GPC6: variants seen among roughly 807,000 people sequenced by gnomAD.
The protein encoded by GPC6 is glypican-6.
A neutral mutation model predicts 55.2 loss-of-function variants in GPC6; 14 were observed. That is an observed-to-expected ratio of 0.25 (90% CI 0.17 to 0.40). GPC6 has a LOEUF of 0.40. Among genes scored for constraint, GPC6 ranks in the 10% least tolerant of loss-of-function variants. GPC6 has a pLI of 1.00. For missense variants in GPC6, 641 were observed against 708.5 expected, an observed-to-expected ratio of 0.90 and a Z score of 1.08; for synonymous variants, 278 against 259.6, an observed-to-expected ratio of 1.07 and a Z score of -0.68.
intron 4 of GPC6, among the ~76,000 whole-genome samples, chr13:94,078,390 A>C (rs1462487532): frequency 1.3e-5 from 2 of 151,952 alleles, no homozygotes; most frequent in Non-Finnish European, 2.9e-5. Context: ...TAGCAGAAGG[A>C]AGGACACAAT....
intron 1 of GPC6, among the ~76,000 whole-genome samples, chr13:93,458,499 T>A (rs1292602383): frequency 1.3e-5 from 2 of 152,102 alleles, no homozygotes; most frequent in Admixed American, 6.6e-5. Context: ...TCACGGATAC[T>A]CCAGCATTGA....
chr13:93,583,367 C>T (rs866743258), intron 2 of GPC6, among the ~76,000 whole-genome samples: 2 of 142,892 alleles, frequency 1.4e-5, no homozygotes, highest in African/African-American at 3.0e-5. Flanking sequence ...CGCGCGCGTG[C>T]GTATGTGTGT....
chr13:93,747,360 A>T (rs1461665624), intron 2 of GPC6, among the ~76,000 whole-genome samples: 2 of 152,148 alleles, frequency 1.3e-5, no homozygotes, highest in African/African-American at 4.8e-5. Flanking sequence ...AATGAAAAGA[A>T]GAGACTGTAC....
chr13:93,502,354 T>C (rs1021065081), intron 1 of GPC6, among the ~76,000 whole-genome samples: 5 of 152,096 alleles, frequency 3.3e-5, no homozygotes, highest in Non-Finnish European at 7.4e-5. Context: ...CCACATACTT[T>C]GTAAATAACA....
At chr13:94,234,539 T>C (rs1234526976) in intron 4 of GPC6, among the ~76,000 whole-genome samples, 1 of 149,432 alleles carries the variant, frequency 6.7e-6, no homozygotes, top group African/African-American at 2.5e-5. Flanking sequence ...ATCACTTTAC[T>C]GTGACCCAAG....
At chr13:94,137,857 G>A (rs1487506221) in intron 4 of GPC6, among the ~76,000 whole-genome samples, 1 of 152,108 alleles carries the variant, frequency 6.6e-6, no homozygotes, top group Non-Finnish European at 1.5e-5. Flanking sequence ...AGGTGGAGGG[G>A]CCACATCAGA....
chr13:93,217,099 AT>A, the GPC6 span, among the ~76,000 whole-genome samples: 1 of 152,234 alleles, frequency 6.6e-6, no homozygotes, highest in African/African-American at 2.4e-5. Flanking sequence ...TCTAATGAAT[AT>A]TTCAATTCAA....
At chr13:94,192,194 GA>G (rs998210974) in intron 4 of GPC6, among the ~76,000 whole-genome samples, 3 of 151,382 alleles carry the variant, frequency 2.0e-5, no homozygotes, top group Admixed American at 6.6e-5. Flanking sequence ...AACTCTGGAA[GA>G]AAAAAAAATG....
intron 3 of GPC6, among the ~76,000 whole-genome samples, chr13:93,979,308 TGTGTGTGTG>T (rs1880670385): frequency 3.3e-5 from 5 of 150,998 alleles, no homozygotes; most frequent in African/African-American, 1.2e-4. Flanking sequence ...TGTGTGTGTG[TGTGTGTGTG>T]TTTGTGTGTG....
intron 1 of GPC6, among the ~76,000 whole-genome samples, chr13:93,244,279 C>T (rs1287796636): frequency 6.6e-6 from 1 of 152,182 alleles, no homozygotes; most frequent in Non-Finnish European, 1.5e-5. Context: ...GCTGCAAGGG[C>T]CGGCTGGGTC....
At chr13:94,380,483 A>T (rs1880109832) in intron 6 of GPC6, among the ~76,000 whole-genome samples, 1 of 152,138 alleles carries the variant, frequency 6.6e-6, no homozygotes, top group Non-Finnish European at 1.5e-5. Context: ...TTTTTGAAAA[A>T]TTTTATACTC....
intron 4 of GPC6, among the ~76,000 whole-genome samples, chr13:94,281,627 A>T (rs1161495943): frequency 1.3e-5 from 2 of 152,194 alleles, no homozygotes; most frequent in Non-Finnish European, 2.9e-5. Flanking sequence ...AACATTCAGG[A>T]TTCTCCTTAC....
rs1402336687 is a variant in GPC6 at position 93,691,774 on chromosome 13, TA to T, written c.320-138374del. Among the ~76,000 whole-genome samples, 17 of 152,082 alleles carry T rather than the reference TA, an allele frequency of 1.1e-4. 1 individual carries two copies. Among genetic ancestry groups the T allele is most frequent in the Admixed American group, 9.8e-4 (15 of 15,244 alleles). ...CTATGTTATGATAAGTTATGAAATT[TA>T]AAAAACTTTAAAAAGGATCTTATAT... On this transcript the variant is annotated intron_variant, in intron 2 of 8. Transcript: ENST00000377047.
intron 2 of GPC6, among the ~76,000 whole-genome samples, chr13:93,585,528 G>T (rs985949051): frequency 1.3e-5 from 2 of 152,118 alleles, no homozygotes; most frequent in Non-Finnish European, 2.9e-5. Flanking sequence ...TGCCCTCTTA[G>T]AAACCTAATA....
At chr13:94,235,717 T>C (rs1890858645) in intron 4 of GPC6, among the ~76,000 whole-genome samples, 1 of 151,822 alleles carries the variant, frequency 6.6e-6, no homozygotes, top group Non-Finnish European at 1.5e-5. Context: ...CTAATGATTC[T>C]TTGAAAATCT....
chr13:93,591,405 A>G (rs1265242182), intron 2 of GPC6, among the ~76,000 whole-genome samples: 1 of 151,240 alleles, frequency 6.6e-6, no homozygotes, highest in Non-Finnish European at 1.5e-5. Context: ...TGGAGCTTGC[A>G]GTGAATCGAG....
At chr13:93,288,520 TA>T (rs1210072002) in intron 1 of GPC6, among the ~76,000 whole-genome samples, 1 of 152,206 alleles carries the variant, frequency 6.6e-6, no homozygotes. Flanking sequence ...GATGAAAGAA[TA>T]TTTTTAAGAG....
intron 4 of GPC6, among the ~76,000 whole-genome samples, chr13:94,218,790 C>T (rs760825887): frequency 1.3e-5 from 2 of 152,134 alleles, no homozygotes; most frequent in African/African-American, 2.4e-5. Context: ...ATAAGAATCA[C>T]CTTGGGATAC....
chr13:93,451,875 T>C (rs772450901), intron 1 of GPC6, among the ~76,000 whole-genome samples: 5 of 152,224 alleles, frequency 3.3e-5, no homozygotes, highest in Non-Finnish European at 5.9e-5. Context: ...TATTGACTTT[T>C]TCTAATATCT....
Sources: allele counts gnomAD v4.1 joint callset (sites outside exome capture counted in the v4.1 genomes callset), GRCh38; gene constraint gnomAD v4.1.1; transcripts MANE v1.5; gene names NCBI Gene and HGNC (gene_info 2026-07-23, HGNC 2026-07-21).